The following GAD2 variants were observed in gnomAD, a reference collection of about 807,000 sequenced individuals.
The protein encoded by GAD2 is 65 kDa glutamic acid decarboxylase.
In GAD2, 22 loss-of-function variants were observed where a neutral mutation model predicts 80.1. The observed-to-expected ratio is 0.27, with a 90% CI of 0.20 to 0.39. The LOEUF (loss-of-function observed/expected upper bound fraction) is 0.39, where lower values mean the gene tolerates loss of function less well. Ranked by LOEUF, GAD2 falls within the 10% of genes least tolerant of loss-of-function variation. GAD2 has a pLI of 1.00. For synonymous variants in GAD2, 274 were observed against 256.9 expected, an observed-to-expected ratio of 1.07 and a Z score of -0.64; for missense variants, 624 against 738.4, an observed-to-expected ratio of 0.85 and a Z score of 1.80.
chr10:26,250,645 G>A (rs144420988), intron 8 of GAD2, among the ~76,000 whole-genome samples: 292 of 152,272 alleles, frequency 1.9e-3, no homozygotes, highest in African/African-American at 6.5e-3. Flanking sequence ...AAGCAAGGAG[G>A]AGAGATGGTG....
chr10:26,268,343 C>T (rs1845095532), intron 8 of GAD2, among the ~76,000 whole-genome samples: 1 of 152,062 alleles, frequency 6.6e-6, no homozygotes, highest in African/African-American at 2.4e-5. Flanking sequence ...TGGCGGGCGC[C>T]TGTAGTCCCA....
rs780831426 is a variant in GAD2, at chr10:26,224,624, G to T, written c.697G>T (p.Gly233Cys). ...KMREIIGWPG[G>C]SGDGIFSPGG... ...GAGAGAAATCATTGGCTGGCCAGGG[G>T]GCTCTGGCGATGGGATATTTTCTCC... Residue 233 changes from glycine to cysteine, a missense_variant, in exon 6 of 16, where the codon GGC becomes TGC. Coordinates refer to ENST00000376261, the MANE Select transcript of GAD2 (RefSeq NM_001134366.2). The T allele has an allele frequency of 1.2e-6, 2 of 1,613,300 alleles. No individual in the cohort carries two copies. Among genetic ancestry groups the T allele is most frequent in the South Asian group, 1.1e-5 (1 of 91,036 alleles).
intron 6 of GAD2, 121 bp downstream of exon 6, chr10:26,224,772 G>A: frequency 1.5e-6 from 1 of 677,454 alleles, no homozygotes; most frequent in South Asian, 1.9e-5. Context: ...ACTGTGTGTT[G>A]ATCAAAAGAA....
Position 26,304,412 on chromosome 10 carries a change from A to G in GAD2, c.*3451A>G, listed in dbSNP as rs1288249484. On this transcript the variant is annotated 3_prime_UTR_variant, in exon 16 of 16. Coordinates refer to ENST00000376261, the MANE Select transcript of GAD2 (RefSeq NM_001134366.2). ...ATCAACATTCCCCCAACATTACTCC[A>G]TTACTAAAGACAGAAAAAAATAAAA... 1 of 152,644 alleles carries G rather than the reference A, an allele frequency of 6.6e-6. No individual in the cohort carries two copies. 9.5% of individuals were successfully genotyped at this position (152,644 alleles called of 1,614,324 possible). A position where few individuals can be genotyped will look rare whatever the true frequency, so the allele number is the denominator to read the frequency against.
intron 14 of GAD2, 129 bp from the exon 15 acceptor site, chr10:26,292,773 A>G (rs780403008): frequency 7.5e-5 from 67 of 891,012 alleles, no homozygotes; most frequent in Non-Finnish European, 1.1e-4. Context: ...CATGCCCTCC[A>G]ATGGCAATTC....
intron 8 of GAD2, among the ~76,000 whole-genome samples, chr10:26,268,625 T>G (rs1213377768): frequency 6.6e-6 from 1 of 152,232 alleles, no homozygotes; most frequent in Non-Finnish European, 1.5e-5. Flanking sequence ...TTCTTTACGC[T>G]TTTAGCACTT....
Position 26,216,971 on chromosome 10 carries a change from T to C in GAD2, c.76+86T>C, listed in dbSNP as rs1048784410. 8.3e-7 allele frequency: 1 copy of C among 1,202,818 alleles called. No homozygotes were observed. The highest frequency in any genetic ancestry group is 2.0e-5 in the Admixed American group (1 of 50,268). 74.5% of individuals were successfully genotyped at this position (1,202,818 alleles called of 1,614,324 possible). A position where few individuals can be genotyped will look rare whatever the true frequency, so the allele number is the denominator to read the frequency against. Reference sequence around the variant, plus strand: ...ACTACGGAGAAGACGAAGGAGGTTTTTCCACCTGCAACAGGAAACTTCTTC... The same window carrying C: ...ACTACGGAGAAGACGAAGGAGGTTTCTCCACCTGCAACAGGAAACTTCTTC... On this transcript the variant is annotated intron_variant, in intron 1 of 15. Coordinates refer to ENST00000376261, the MANE Select transcript of GAD2 (RefSeq NM_001134366.2). The surrounding 1 kb of genome is among the most constrained non-coding windows in gnomAD (Gnocchi z 4.7).
chr10:26,268,276 C>T (rs1002476633), intron 8 of GAD2, among the ~76,000 whole-genome samples: 3 of 152,036 alleles, frequency 2.0e-5, no homozygotes, highest in Admixed American at 6.5e-5. Flanking sequence ...AGACCATCCT[C>T]GCTAACACGG....
chr10:26,300,771 T>G lies in GAD2; in HGVS notation c.1585-17T>G, dbSNP rs1834320543. ...TCCCAGGAGAAAGTCACCATGCTGA[T>G]ATGGTCTGTCCCACAGGTGGCTCCA... On this transcript the variant is annotated splice_polypyrimidine_tract_variant and intron_variant, in intron 15 of 15. Transcript: ENST00000376261. The G allele has an allele frequency of 1.2e-6, 2 of 1,612,028 alleles. No homozygotes were observed. Among genetic ancestry groups the G allele is most frequent in the East Asian group, 4.5e-5 (2 of 44,850 alleles).
At chr10:26,256,212 G>T (rs562697695) in intron 8 of GAD2, among the ~76,000 whole-genome samples, 6 of 151,700 alleles carry the variant, frequency 4.0e-5, no homozygotes, top group African/African-American at 1.2e-4. Context: ...GTGTAATATT[G>T]TATGTATTAA....
chr10:26,246,871 G>A (rs146108626), intron 8 of GAD2, among the ~76,000 whole-genome samples: 28 of 152,294 alleles, frequency 1.8e-4, no homozygotes, highest in African/African-American at 6.7e-4. Flanking sequence ...TCATGCAACA[G>A]GCAGGAATTG....
intron 4 of GAD2, among the ~76,000 whole-genome samples, chr10:26,219,711 A>G (rs1434849328): frequency 6.6e-6 from 1 of 152,252 alleles, no homozygotes; most frequent in Non-Finnish European, 1.5e-5. Flanking sequence ...AACTGATCAG[A>G]AACAGGACTC....
intron 7 of GAD2, among the ~76,000 whole-genome samples, chr10:26,233,722 A>G (rs1844634278): frequency 6.6e-6 from 1 of 152,258 alleles, no homozygotes; most frequent in Non-Finnish European, 1.5e-5. Flanking sequence ...AGAAAAAAGA[A>G]AATTACCAAG....
Position 26,219,431 on chromosome 10 carries a change from C to A in GAD2, c.520+155C>A, listed in dbSNP as rs1229850146. ...AAAAATAGTCATTATTAGAATGATT[C>A]TAATCCAAAGCACCTTCCACTGCTA... On this transcript the variant is annotated intron_variant, in intron 4 of 15. Coordinates refer to ENST00000376261, the MANE Select transcript of GAD2 (RefSeq NM_001134366.2). The A allele has an allele frequency of 2.3e-5, 13 of 568,746 alleles. No individual in the cohort carries two copies. The South Asian group carries it at 3.2e-4, about 14-fold the overall frequency. 35.2% of individuals were successfully genotyped at this position (568,746 alleles called of 1,614,324 possible).
In GAD2 at chr10:26,302,744, T is replaced by C. The variant is rs1368410994; in HGVS notation, c.*1783T>C. The C allele has an allele frequency of 6.6e-6, 1 of 152,238 alleles. No homozygotes were observed. The highest frequency in any genetic ancestry group is 1.5e-5 in the Non-Finnish European group (1 of 68,058). 9.4% of individuals were successfully genotyped at this position (152,238 alleles called of 1,614,324 possible). On this transcript the variant is annotated 3_prime_UTR_variant, in exon 16 of 16. Coordinates refer to ENST00000376261, the MANE Select transcript of GAD2 (RefSeq NM_001134366.2). ...AAGCTTCCCCCTACATTATTTCTCC[T>C]AGGCTATATGCAAAAACAGTGATAA...
chr10:26,281,415 T>G (rs1206248063), intron 12 of GAD2, among the ~76,000 whole-genome samples: 2 of 151,972 alleles, frequency 1.3e-5, no homozygotes, highest in Non-Finnish European at 2.9e-5. Flanking sequence ...AATTTCCAGG[T>G]TTTTTTTCTG....
chr10:26,300,830 A>G lies in GAD2; in HGVS notation c.1627A>G (p.Thr543Ala), dbSNP rs1834321261. ...IKARMMEYGTTMVSYQPLGDK... is the reference protein window; with the variant it reads ...IKARMMEYGTAMVSYQPLGDK... Reference sequence around the variant, plus strand: ...AGCCAGAATGATGGAGTATGGAACCACAATGGTCAGCTACCAACCCTTGGG... The same window carrying G: ...AGCCAGAATGATGGAGTATGGAACCGCAATGGTCAGCTACCAACCCTTGGG... Residue 543 changes from threonine (T) to alanine (A), a missense_variant, in exon 16 of 16, where the codon ACA becomes GCA. Transcript: ENST00000376261. 2 of 1,613,900 alleles carry G rather than the reference A, an allele frequency of 1.2e-6. No individual in the cohort carries two copies. Among genetic ancestry groups the G allele is most frequent in the Non-Finnish European group, 1.7e-6 (2 of 1,179,818 alleles).
At chr10:26,270,777 G>A in intron 10 of GAD2, 21 bp downstream of exon 10, 1 of 1,485,820 alleles carries the variant, frequency 6.7e-7, no homozygotes. Context: ...CTTAGGGACT[G>A]GCCACTAAAA....
At chr10:26,274,246 T>C (rs1845172399) in intron 11 of GAD2, among the ~76,000 whole-genome samples, 1 of 152,218 alleles carries the variant, frequency 6.6e-6, no homozygotes. Context: ...TAATAACCTT[T>C]CTCTGACACA....
Sources: gnomAD v4.1 joint callset for allele counts (sites outside exome capture counted in the v4.1 genomes callset) on GRCh38, gnomAD v4.1.1 for gene constraint, Gnocchi (gnomAD v3.1) non-coding constraint, MANE v1.5 for transcripts, NCBI Gene and HGNC (gene_info 2026-07-23, HGNC 2026-07-21) for gene names.